Variants in NCALD observed in about 807,000 individuals in gnomAD.
NCALD encodes neurocalcin-delta.
NCALD carries 10 observed loss-of-function variants against 18.6 expected under a neutral mutation model. The observed-to-expected ratio is 0.54, with a 90% confidence interval of 0.33 to 0.91. NCALD has a LOEUF of 0.91. Among genes scored for constraint, NCALD ranks in the 40% least tolerant of loss-of-function variants. The pLI, the probability that NCALD is intolerant of heterozygous loss-of-function variation, is 0.03. For synonymous variants in NCALD, 88 were observed against 87.4 expected (o/e 1.01, Z -0.04); for missense variants, 184 against 247.6 (o/e 0.74, Z 1.72).
At chr8:101,840,672 A>G (rs1814607409) in intron 4 of NCALD, among the ~76,000 whole-genome samples, 1 of 152,234 alleles carries the variant, frequency 6.6e-6, no homozygotes, top group Non-Finnish European at 1.5e-5. Flanking sequence ...ATTGCAGGTC[A>G]TGGCATTAAT....
chr8:101,709,570 G>A (rs757270468), intron 2 of NCALD, among the ~76,000 whole-genome samples: 11 of 152,186 alleles, frequency 7.2e-5, no homozygotes, highest in South Asian at 2.1e-4. Context: ...TTAGCTCCCC[G>A]GGAGTGCTGT....
At chr8:101,720,908 G>A (rs1282345398) in intron 1 of NCALD, among the ~76,000 whole-genome samples, 2 of 152,178 alleles carry the variant, frequency 1.3e-5, no homozygotes, top group Non-Finnish European at 2.9e-5. Context: ...AGGGCACCTA[G>A]CTGTGTGTGC....
intron 1 of NCALD, among the ~76,000 whole-genome samples, chr8:101,776,807 A>G (rs1811810979): frequency 2.0e-5 from 3 of 152,216 alleles, no homozygotes; most frequent in Admixed American, 2.0e-4. Flanking sequence ...ATGATTATAT[A>G]GAACCATGAA....
chr8:102,095,545 A>G (rs1825064158), intron 1 of NCALD, among the ~76,000 whole-genome samples: 1 of 152,226 alleles, frequency 6.6e-6, no homozygotes, highest in South Asian at 2.1e-4. Flanking sequence ...ATACAATGCC[A>G]AGGACATTGT....
chr8:102,023,542 G>A (rs148087646), intron 1 of NCALD, among the ~76,000 whole-genome samples: 79 of 152,332 alleles, frequency 5.2e-4, no homozygotes, highest in Non-Finnish European at 8.8e-4. Flanking sequence ...TCTAGCAGGG[G>A]CAGGGAATTT....
At chr8:101,701,795 C>G (rs1815280158) in intron 2 of NCALD, among the ~76,000 whole-genome samples, 1 of 152,196 alleles carries the variant, frequency 6.6e-6, no homozygotes, top group Non-Finnish European at 1.5e-5. Context: ...CTACGGACAA[C>G]AGAAGTTTGG....
chr8:101,866,520 T>C (rs942492750), intron 4 of NCALD, among the ~76,000 whole-genome samples: 2 of 152,228 alleles, frequency 1.3e-5, no homozygotes, highest in Non-Finnish European at 2.9e-5. Flanking sequence ...TAGGACTTAA[T>C]ATGTCCCCAG....
chr8:102,006,482 T>C (rs984275743), intron 2 of NCALD, among the ~76,000 whole-genome samples: 1 of 152,214 alleles, frequency 6.6e-6, no homozygotes, highest in Admixed American at 6.5e-5. Context: ...AGACCTAGCC[T>C]CTAGATCAGT....
chr8:102,075,803 A>T (rs1824324890), intron 1 of NCALD, among the ~76,000 whole-genome samples: 1 of 152,138 alleles, frequency 6.6e-6, no homozygotes, highest in Non-Finnish European at 1.5e-5. Flanking sequence ...ATACAAAAAA[A>T]TTAGCCAAGC....
At chr8:101,759,137 C>T (rs1312536808) in intron 1 of NCALD, among the ~76,000 whole-genome samples, 1 of 152,172 alleles carries the variant, frequency 6.6e-6, no homozygotes, top group Non-Finnish European at 1.5e-5. Context: ...AACAGCATTG[C>T]TTAATCCGAA....
At chr8:101,999,865 G>T (rs778861672) in intron 2 of NCALD, among the ~76,000 whole-genome samples, 1 of 152,120 alleles carries the variant, frequency 6.6e-6, no homozygotes, top group Non-Finnish European at 1.5e-5. Flanking sequence ...CTGCAGAAAG[G>T]GTAATCATCT....
At chr8:101,694,354 C>G (rs963399421) in intron 2 of NCALD, 1 of 152,200 alleles carries the variant, frequency 6.6e-6, no homozygotes, top group East Asian at 1.9e-4. Context: ...GCTTTACAGT[C>G]TTGCTCAGGA....
intron 1 of NCALD, among the ~76,000 whole-genome samples, chr8:101,752,409 T>C (rs1419025071): frequency 6.6e-6 from 1 of 152,134 alleles, no homozygotes; most frequent in Admixed American, 6.5e-5. Flanking sequence ...CCAAAATAAT[T>C]AAATTCTAGT....
chr8:101,700,531 G>A (rs1284299078), intron 2 of NCALD, among the ~76,000 whole-genome samples: 1 of 152,136 alleles, frequency 6.6e-6, no homozygotes, highest in Non-Finnish European at 1.5e-5. Flanking sequence ...GTCCCCTGGT[G>A]GCAAGTAAAA....
chr8:101,737,805 A>G (rs1186001574), intron 1 of NCALD, among the ~76,000 whole-genome samples: 1 of 152,178 alleles, frequency 6.6e-6, no homozygotes, highest in Non-Finnish European at 1.5e-5. Context: ...TTCCCTCTGT[A>G]GCACTGAGAA....
intron 4 of NCALD, among the ~76,000 whole-genome samples, chr8:101,842,360 GAGGAAGAA>G (rs1814680653): frequency 6.6e-6 from 1 of 152,144 alleles, no homozygotes; most frequent in African/African-American, 2.4e-5. Context: ...AAAACAAGAA[GAGGAAGAA>G]AGGGAGAATG....
chr8:101,864,770 A>AT (rs1815698099), intron 4 of NCALD, among the ~76,000 whole-genome samples: 1 of 151,910 alleles, frequency 6.6e-6, no homozygotes, highest in Admixed American at 6.6e-5. Context: ...AGTTTTTGGT[A>AT]TTTTTAGTAG....
chr8:102,084,238 G>A (rs1332909227), intron 1 of NCALD, among the ~76,000 whole-genome samples: 1 of 152,194 alleles, frequency 6.6e-6, no homozygotes, highest in Non-Finnish European at 1.5e-5. Context: ...ACTAGGGAAT[G>A]TATTCGAATC....
chr8:101,910,521 C>A (rs1817758346), intron 3 of NCALD, among the ~76,000 whole-genome samples: 1 of 152,050 alleles, frequency 6.6e-6, no homozygotes, highest in African/African-American at 2.4e-5. Context: ...CTAGGTACTC[C>A]CTAATAAGGA....
Sources: allele counts gnomAD v4.1 joint callset (sites outside exome capture counted in the v4.1 genomes callset), GRCh38; gene constraint gnomAD v4.1.1; transcripts MANE v1.5; gene names NCBI Gene and HGNC (gene_info 2026-07-23, HGNC 2026-07-21).